The following SRGAP2 variants were observed in gnomAD, a reference collection of about 807,000 sequenced individuals.
The protein encoded by SRGAP2 is SLIT-ROBO Rho GTPase-activating protein 2.
SRGAP2 carries 15 observed loss-of-function variants against 57.2 expected under a neutral mutation model. The observed-to-expected ratio is 0.26, with a 90% CI of 0.18 to 0.40. The LOEUF (loss-of-function observed/expected upper bound fraction) is 0.40. SRGAP2 is among the 10% of genes least tolerant of loss of function. SRGAP2 has a pLI of 1.00. For missense variants in SRGAP2, 520 were observed against 669.6 expected (o/e 0.78, Z 2.47); for synonymous variants, 249 against 248.0 (o/e 1.00, Z -0.04).
intron 10 of SRGAP2, among the ~76,000 whole-genome samples, chr1:206,411,873 G>A (rs915044756): frequency 6.6e-6 from 1 of 152,198 alleles, no homozygotes; most frequent in Non-Finnish European, 1.5e-5. Context: ...GCTTAGGGAA[G>A]GGATGCTTTT....
intron 13 of SRGAP2, among the ~76,000 whole-genome samples, chr1:206,423,422 C>T (rs1193656877): frequency 7.2e-5 from 11 of 152,184 alleles, no homozygotes; most frequent in African/African-American, 2.7e-4. Flanking sequence ...AGTAATTCCT[C>T]AGTGATCGAC....
At chr1:206,319,381 A>C (rs1264561291) in intron 3 of SRGAP2, among the ~76,000 whole-genome samples, 2 of 151,708 alleles carry the variant, frequency 1.3e-5, no homozygotes, top group Admixed American at 6.5e-5. Flanking sequence ...ACTGCACTCC[A>C]GCCTGGGTGA....
chr1:206,432,992 A>G (rs956828669), intron 14 of SRGAP2, among the ~76,000 whole-genome samples: 1 of 152,244 alleles, frequency 6.6e-6, no homozygotes, highest in Non-Finnish European at 1.5e-5. Flanking sequence ...AAAGATCAAC[A>G]TTGGAAGTAT....
chr1:206,421,358 G>T, intron 13 of SRGAP2, 84 bp downstream of exon 13: 1 of 651,044 alleles, frequency 1.5e-6, no homozygotes. Flanking sequence ...ACTGTGTGCA[G>T]GACAGACACC....
intron 5 of SRGAP2, among the ~76,000 whole-genome samples, chr1:206,389,165 CTTTTTTTTTTT>C (rs71274650): frequency 7.2e-4 from 53 of 73,108 alleles, no homozygotes; most frequent in African/African-American, 3.2e-3. Flanking sequence ...CTCAGACTTC[CTTTTTTTTTTT>C]TTTTTTTTTT....
Position 206,344,096 on chromosome 1 carries a change from C to T in SRGAP2, c.423+1088C>T, listed in dbSNP as rs376068781. Among the ~76,000 whole-genome samples, 113 of 152,126 alleles carry T rather than the reference C, an allele frequency of 7.4e-4. 2 individuals carry two copies. The East Asian group carries it at 0.019, about 25-fold the overall frequency. ...CAGTCAAAGCTCTTGATCAGCTTTCCAGTTCTCAGGAATTTTTCCAGATTT... is the reference window on the plus strand; with the variant it reads ...CAGTCAAAGCTCTTGATCAGCTTTCTAGTTCTCAGGAATTTTTCCAGATTT... On this transcript the variant is annotated intron_variant, in intron 4 of 22. Transcript: ENST00000573034.
chr1:206,212,434 A>G, intron 2 of SRGAP2, among the ~76,000 whole-genome samples: 2 of 90,440 alleles, frequency 2.2e-5, no homozygotes, highest in South Asian at 8.8e-4. Flanking sequence ...CCAAAGTTTT[A>G]CAAGCCTGTA....
chr1:206,359,677 C>T (rs1676733614), intron 4 of SRGAP2, among the ~76,000 whole-genome samples: 1 of 121,878 alleles, frequency 8.2e-6, no homozygotes, highest in South Asian at 2.9e-4. Context: ...AAGTTCTTGC[C>T]TTCATGGAGC....
At chr1:206,433,903 T>C (rs1377984808) in intron 14 of SRGAP2, among the ~76,000 whole-genome samples, 2 of 152,230 alleles carry the variant, frequency 1.3e-5, no homozygotes, top group Non-Finnish European at 2.9e-5. Context: ...GTATTTTATA[T>C]ATATTCTAGG....
chr1:206,451,239 C>T (rs1166800393), intron 19 of SRGAP2, among the ~76,000 whole-genome samples: 1 of 151,906 alleles, frequency 6.6e-6, no homozygotes, highest in Non-Finnish European at 1.5e-5. Context: ...CATGCTTTCA[C>T]GCCTACCGAC....
intron 18 of SRGAP2, among the ~76,000 whole-genome samples, chr1:206,450,095 AGTT>A (rs1158276882): frequency 6.6e-6 from 1 of 152,150 alleles, no homozygotes; most frequent in Non-Finnish European, 1.5e-5. Context: ...TGAGGAGTTG[AGTT>A]GTTCTCTATT....
At chr1:206,217,564 G>A (rs1248588230) in intron 2 of SRGAP2, among the ~76,000 whole-genome samples, 14 of 152,116 alleles carry the variant, frequency 9.2e-5, no homozygotes, top group East Asian at 5.8e-4. Flanking sequence ...GATGGTTAGC[G>A]TTTATCAAGT....
chr1:206,416,939 T>C (rs1348117456), intron 11 of SRGAP2, among the ~76,000 whole-genome samples: 2 of 152,202 alleles, frequency 1.3e-5, no homozygotes, highest in Non-Finnish European at 2.9e-5. Context: ...CTGCAAAGTT[T>C]AGGAAAGTGT....
chr1:206,276,615 G>A (rs1218455519), intron 2 of SRGAP2, among the ~76,000 whole-genome samples: 4 of 151,794 alleles, frequency 2.6e-5, no homozygotes, highest in South Asian at 2.1e-4. Flanking sequence ...AGATTAACCC[G>A]TTCCTCTATA....
chr1:206,460,598 C>T (rs1664177483), intron 22 of SRGAP2, among the ~76,000 whole-genome samples: 1 of 152,128 alleles, frequency 6.6e-6, no homozygotes, highest in Non-Finnish European at 1.5e-5. Flanking sequence ...CATACATCAT[C>T]TCTACCACTT....
chr1:206,406,855 TG>T (rs1658722154), intron 10 of SRGAP2: 1 of 60,586 alleles, frequency 1.7e-5, no homozygotes, highest in African/African-American at 1.5e-4. Flanking sequence ...AGGCTTTCAC[TG>T]GAAAGTTTCC....
chr1:206,392,280 G>A (rs1166730851), intron 5 of SRGAP2, among the ~76,000 whole-genome samples: 12 of 108,748 alleles, frequency 1.1e-4, no homozygotes, highest in African/African-American at 3.3e-4. Context: ...TGCCCTCTTC[G>A]GGGTTCCTGA....
intron 2 of SRGAP2, among the ~76,000 whole-genome samples, chr1:206,247,049 A>G (rs1436239129): frequency 1.4e-5 from 2 of 140,106 alleles, no homozygotes; most frequent in African/African-American, 5.2e-5. Flanking sequence ...GGAGGGCTTT[A>G]TTGCTTGTTT....
intron 4 of SRGAP2, among the ~76,000 whole-genome samples, chr1:206,343,976 G>A (rs1223141836): frequency 6.7e-6 from 1 of 148,914 alleles, no homozygotes; most frequent in Non-Finnish European, 1.5e-5. Flanking sequence ...ATTATAGAGG[G>A]CTATTTAGAA....
Sources: allele counts gnomAD v4.1 joint callset (sites outside exome capture counted in the v4.1 genomes callset), GRCh38; gene constraint gnomAD v4.1.1; transcripts MANE v1.5; gene names NCBI Gene and HGNC (gene_info 2026-07-23, HGNC 2026-07-21).